PTPRD: variants seen among roughly 807,000 people sequenced by gnomAD.
PTPRD encodes receptor-type tyrosine-protein phosphatase delta.
Under a neutral mutation model 214.5 loss-of-function variants are expected in PTPRD, and 34 were observed. The observed-to-expected ratio is 0.16, with a 90% CI of 0.12 to 0.21. The LOEUF (loss-of-function observed/expected upper bound fraction) is 0.21. Ranked by LOEUF, PTPRD falls within the 10% of genes least tolerant of loss-of-function variation. The pLI is 1.00. For synonymous variants in PTPRD, 1,128 were observed against 845.7 expected (o/e 1.33, Z -5.79); for missense variants, 2,545 against 2,398.7 (o/e 1.06, Z -1.27).
At chr9:9,566,667 C>G (rs916491914) in intron 8 of PTPRD, among the ~76,000 whole-genome samples, 1 of 151,996 alleles carries the variant, frequency 6.6e-6, no homozygotes, top group Non-Finnish European at 1.5e-5. Context: ...AAAGATTAAA[C>G]ACCAGCTTTT....
intron 4 of PTPRD, among the ~76,000 whole-genome samples, chr9:10,004,393 T>C (rs1390986411): frequency 3.9e-5 from 6 of 152,016 alleles, no homozygotes; most frequent in Non-Finnish European, 7.4e-5. Context: ...ATACATTTTA[T>C]ATTTAAATAA....
At chr9:9,771,443 A>G (rs1210628559) in intron 5 of PTPRD, among the ~76,000 whole-genome samples, 1 of 152,188 alleles carries the variant, frequency 6.6e-6, no homozygotes, top group Non-Finnish European at 1.5e-5. Flanking sequence ...GGAACCAACC[A>G]TGTCACACAT....
chr9:9,690,404 T>G lies in PTPRD; in HGVS notation c.-287+44129A>C, dbSNP rs1034930384. ...TTAGTTCCTTGTCAGATGGACAGAT[T>G]GAAGATATTTTCACCCATCCTGTGG... On this transcript the variant is annotated intron_variant, in intron 7 of 45. Transcript: ENST00000381196. Among the ~76,000 whole-genome samples the G allele has an allele frequency of 9.2e-5, 14 of 152,010 alleles. 1 individual carries two copies. The highest frequency in any genetic ancestry group is 3.1e-4 in the African/African-American group (13 of 41,442).
chr9:9,908,772 T>G (rs2078343659), intron 5 of PTPRD, among the ~76,000 whole-genome samples: 2 of 151,984 alleles, frequency 1.3e-5, no homozygotes, highest in Admixed American at 1.3e-4. Context: ...TATAACATAT[T>G]TATCTATGAA....
At chr9:9,153,672 C>T (rs960348020) in intron 10 of PTPRD, among the ~76,000 whole-genome samples, 1 of 152,116 alleles carries the variant, frequency 6.6e-6, no homozygotes, top group Non-Finnish European at 1.5e-5. Flanking sequence ...CTACAAAACA[C>T]GTCTTTCTAA....
At chr9:10,226,705 C>G (rs114276328) in intron 3 of PTPRD, among the ~76,000 whole-genome samples, 2,073 of 152,082 alleles carry the variant, frequency 0.014, 46 homozygotes, top group African/African-American at 0.047. Flanking sequence ...TCCCATTTTA[C>G]AAATGATAAC....
chr9:10,510,777 C>T (rs749736464), intron 2 of PTPRD, among the ~76,000 whole-genome samples: 1 of 151,774 alleles, frequency 6.6e-6, no homozygotes, highest in African/African-American at 2.4e-5. Context: ...CTATAGTTGC[C>T]CTATTGTGCT....
chr9:10,506,369 G>C (rs2045967207), intron 2 of PTPRD, among the ~76,000 whole-genome samples: 2 of 152,170 alleles, frequency 1.3e-5, no homozygotes, highest in South Asian at 2.1e-4. Context: ...CATACTATTA[G>C]CCAAAGTAGA....
intron 7 of PTPRD, among the ~76,000 whole-genome samples, chr9:9,628,467 C>G (rs1029531229): frequency 6.6e-6 from 1 of 152,128 alleles, no homozygotes; most frequent in Middle Eastern, 3.2e-3. Context: ...TGCTACATCT[C>G]TTTCACTTCT....
At chr9:9,267,582 G>T (rs927921272) in intron 9 of PTPRD, among the ~76,000 whole-genome samples, 3 of 150,910 alleles carry the variant, frequency 2.0e-5, no homozygotes, top group East Asian at 3.9e-4. Flanking sequence ...TACAAAGAAA[G>T]AAAATTACAA....
chr9:9,260,496 C>T (rs768809850), intron 9 of PTPRD, among the ~76,000 whole-genome samples: 25 of 151,826 alleles, frequency 1.6e-4, no homozygotes, highest in African/African-American at 3.6e-4. Flanking sequence ...GTCATTTTAA[C>T]GCTGCTTTTT....
At chr9:10,064,530 G>T (rs548119252) in intron 3 of PTPRD, among the ~76,000 whole-genome samples, 2 of 151,800 alleles carry the variant, frequency 1.3e-5, no homozygotes, top group African/African-American at 2.4e-5. Flanking sequence ...GTGGTTAATG[G>T]TCTATCATTT....
At chr9:8,939,178 G>T (rs1814251180) in intron 11 of PTPRD, among the ~76,000 whole-genome samples, 2 of 152,098 alleles carry the variant, frequency 1.3e-5, no homozygotes, top group South Asian at 2.1e-4. Context: ...TAAGTCTATT[G>T]TTTATTGCCA....
chr9:9,749,339 T>C (rs1030347626), intron 6 of PTPRD, among the ~76,000 whole-genome samples: 1 of 152,164 alleles, frequency 6.6e-6, no homozygotes, highest in African/African-American at 2.4e-5. Flanking sequence ...TTTTTGCCCA[T>C]GCCTTTATAA....
chr9:8,671,427 T>C (rs1345197537), intron 12 of PTPRD, among the ~76,000 whole-genome samples: 1 of 152,092 alleles, frequency 6.6e-6, no homozygotes. Context: ...CAAAAGGGAA[T>C]GAAAGTTCGC....
chr9:9,143,678 G>A (rs1384293413), intron 10 of PTPRD, among the ~76,000 whole-genome samples: 1 of 152,116 alleles, frequency 6.6e-6, no homozygotes, highest in Non-Finnish European at 1.5e-5. Flanking sequence ...CACAAACTTT[G>A]TATGTTATTA....
chr9:10,476,815 A>G (rs2099065693), intron 2 of PTPRD, among the ~76,000 whole-genome samples: 1 of 152,162 alleles, frequency 6.6e-6, no homozygotes, highest in Non-Finnish European at 1.5e-5. Flanking sequence ...AACAGAATAG[A>G]AGTCTCAGAA....
intron 44 of PTPRD, among the ~76,000 whole-genome samples, chr9:8,331,162 G>GAACTT (rs1273728243): frequency 2.0e-5 from 3 of 148,470 alleles, no homozygotes; most frequent in South Asian, 2.1e-4. Flanking sequence ...TTGACTGGCA[G>GAACTT]AACTTAATAT....
At chr9:9,582,145 T>A (rs1291853065) in intron 7 of PTPRD, among the ~76,000 whole-genome samples, 1 of 152,102 alleles carries the variant, frequency 6.6e-6, no homozygotes, top group Non-Finnish European at 1.5e-5. Flanking sequence ...TCCCTCAACA[T>A]CCATCTTACT....
Sources: allele counts gnomAD v4.1 joint callset (sites outside exome capture counted in the v4.1 genomes callset), GRCh38; gene constraint gnomAD v4.1.1; transcripts MANE v1.5; gene names NCBI Gene and HGNC (gene_info 2026-07-23, HGNC 2026-07-21).